MEIKIN: variants seen among roughly 807,000 people sequenced by gnomAD.
MEIKIN encodes meiotic kinetochore factor.
intron 8 of MEIKIN, among the ~76,000 whole-genome samples, chr5:131,902,568 C>T (rs1274027509): frequency 6.6e-6 from 1 of 152,140 alleles, no homozygotes; most frequent in Non-Finnish European, 1.5e-5. Flanking sequence ...GTACAGCCTG[C>T]AGAACCATGA....
chr5:131,858,104 AGTTCCTAAGCTC>A (rs1750226838), intron 9 of MEIKIN, among the ~76,000 whole-genome samples: 1 of 152,220 alleles, frequency 6.6e-6, no homozygotes, highest in Non-Finnish European at 1.5e-5. Context: ...CAGTGCAGCG[AGTTCCTAAGCTC>A]CTGAGACCAG....
chr5:131,916,437 C>T (rs1322195125), intron 7 of MEIKIN, among the ~76,000 whole-genome samples: 2 of 152,240 alleles, frequency 1.3e-5, no homozygotes. Context: ...TTACCTTGCT[C>T]TCCAGGCTGG....
chr5:131,945,299 GGGGGGGTCCT>G (rs1751943628), intron 1 of MEIKIN, 50 bp from the exon 2 acceptor site: 1 of 398,834 alleles, frequency 2.5e-6, no homozygotes, highest in South Asian at 1.3e-4. Flanking sequence ...CACCGGCTTC[GGGGGGGTCCT>G]GGGCCCGAGG....
At chr5:131,894,456 C>T (rs927635932) in intron 8 of MEIKIN, among the ~76,000 whole-genome samples, 13 of 152,206 alleles carry the variant, frequency 8.5e-5, no homozygotes, top group Admixed American at 3.9e-4. Flanking sequence ...GTAGCTTGAT[C>T]GGGATGGCAC....
intron 11 of MEIKIN, among the ~76,000 whole-genome samples, chr5:131,838,738 T>C (rs1749854453): frequency 6.6e-6 from 1 of 152,138 alleles, no homozygotes; most frequent in African/African-American, 2.4e-5. Context: ...TTGGCTCCTA[T>C]CTCTTTTCTC....
At chr5:131,930,196 T>C (rs1751664347) in intron 5 of MEIKIN, among the ~76,000 whole-genome samples, 1 of 152,330 alleles carries the variant, frequency 6.6e-6, no homozygotes, top group African/African-American at 2.4e-5. Context: ...AACACATTAT[T>C]TTTTGACTTT....
chr5:131,854,171 A>C (rs1022418643), intron 10 of MEIKIN, among the ~76,000 whole-genome samples: 1 of 152,206 alleles, frequency 6.6e-6, no homozygotes, highest in Non-Finnish European at 1.5e-5. Flanking sequence ...TTAAAAATAA[A>C]ATTCTGATGC....
chr5:131,814,477 A>G (rs1162402783), intron 12 of MEIKIN, among the ~76,000 whole-genome samples: 2 of 151,866 alleles, frequency 1.3e-5, no homozygotes. Context: ...TGGTTTCACA[A>G]TGTTGCCCAG....
chr5:131,914,520 G>A (rs1258613419), intron 7 of MEIKIN, among the ~76,000 whole-genome samples: 2 of 129,700 alleles, frequency 1.5e-5, no homozygotes, highest in African/African-American at 5.6e-5. Context: ...AAAGAAAAAG[G>A]AAGGGAGGGG....
chr5:131,814,431 C>T (rs1773064715), intron 12 of MEIKIN, among the ~76,000 whole-genome samples: 1 of 151,996 alleles, frequency 6.6e-6, no homozygotes, highest in African/African-American at 2.4e-5. Flanking sequence ...GAGTGCACCA[C>T]CACACCTGGC....
chr5:131,933,248 A>G (rs1751718725), intron 5 of MEIKIN, among the ~76,000 whole-genome samples: 1 of 152,252 alleles, frequency 6.6e-6, no homozygotes. Context: ...TACATTCATT[A>G]GGTGCAAAAT....
intron 8 of MEIKIN, among the ~76,000 whole-genome samples, chr5:131,887,635 C>CT (rs1750824668): frequency 6.6e-6 from 1 of 151,382 alleles, no homozygotes; most frequent in Non-Finnish European, 1.5e-5. Flanking sequence ...TAAAGGTCTT[C>CT]TTTTGAGAAG....
intron 5 of MEIKIN, among the ~76,000 whole-genome samples, chr5:131,929,164 CAT>C: frequency 6.6e-6 from 1 of 152,336 alleles, no homozygotes; most frequent in Middle Eastern, 3.4e-3. Context: ...GAAATCCACT[CAT>C]AGTTTTATGG....
chr5:131,852,210 T>TG (rs923570554), intron 10 of MEIKIN, among the ~76,000 whole-genome samples: 1 of 152,070 alleles, frequency 6.6e-6, no homozygotes, highest in Non-Finnish European at 1.5e-5. Flanking sequence ...GATTGAATCA[T>TG]GGGGGTGGTT....
intron 5 of MEIKIN, among the ~76,000 whole-genome samples, chr5:131,930,080 T>C (rs2149651243): frequency 6.6e-6 from 1 of 152,330 alleles, no homozygotes; most frequent in East Asian, 1.9e-4. Flanking sequence ...CTAGGTTCTT[T>C]GAGAAATCTG....
chr5:131,892,103 G>A (rs560435331), intron 8 of MEIKIN, among the ~76,000 whole-genome samples: 11 of 151,836 alleles, frequency 7.2e-5, no homozygotes, highest in Middle Eastern at 3.2e-3. Flanking sequence ...TCTCATGGGC[G>A]TCCCTTTGTG....
At chr5:131,890,996 G>A (rs1229079956) in intron 8 of MEIKIN, among the ~76,000 whole-genome samples, 1 of 152,184 alleles carries the variant, frequency 6.6e-6, no homozygotes, top group East Asian at 1.9e-4. Flanking sequence ...TTCAGGAGCA[G>A]GTTGTTCAGT....
chr5:131,862,834 C>T (rs1750310810), intron 9 of MEIKIN, among the ~76,000 whole-genome samples: 1 of 152,136 alleles, frequency 6.6e-6, no homozygotes, highest in South Asian at 2.1e-4. Context: ...GTAGTTAGGA[C>T]TACAGACATG....
intron 4 of MEIKIN, among the ~76,000 whole-genome samples, chr5:131,940,309 G>A (rs903419138): frequency 2.6e-5 from 4 of 152,130 alleles, no homozygotes; most frequent in Non-Finnish European, 5.9e-5. Flanking sequence ...CTGCATTCTA[G>A]GAAATATTCC....
Sources: allele counts gnomAD v4.1 joint callset (sites outside exome capture counted in the v4.1 genomes callset), GRCh38; gene constraint gnomAD v4.1.1; transcripts MANE v1.5; gene names NCBI Gene and HGNC (gene_info 2026-07-23, HGNC 2026-07-21).